Variants in BIRC2 observed in about 807,000 individuals in gnomAD.
BIRC2 encodes baculoviral IAP repeat-containing protein 2.
A neutral mutation model predicts 60.9 loss-of-function variants in BIRC2; 18 were observed. The observed-to-expected ratio is 0.30, with a 90% confidence interval of 0.20 to 0.44. The LOEUF is 0.44. Among genes scored for constraint, BIRC2 ranks in the 20% least tolerant of loss-of-function variants. The probability of loss-of-function intolerance (pLI) is 1.00; values close to 1 mark genes in which losing one functional copy is unlikely to be tolerated. For synonymous variants in BIRC2, 282 were observed against 247.7 expected, an observed-to-expected ratio of 1.14 and a Z score of -1.30; for missense variants, 701 against 728.5, an observed-to-expected ratio of 0.96 and a Z score of 0.43.
chr11:102,350,801 A>T lies in BIRC2; in HGVS notation c.896-43A>T, dbSNP rs1269034758. The stretch of plus-strand genomic sequence containing the variant: ...ATCATTTTATTTTAATTTACATATT[A>T]GAACATACGTGTTTTCAATATTTAG... On this transcript the variant is annotated intron_variant, in intron 2 of 8. Coordinates refer to ENST00000227758, the MANE Select transcript of BIRC2 (RefSeq NM_001166.5). The T allele has an allele frequency of 5.6e-6, 9 of 1,607,676 alleles. 1 individual carries two copies. In the East Asian group the frequency reaches 2.0e-4, roughly 36 times the overall value.
At chr11:102,359,674 C>T (rs1951463986) in intron 3 of BIRC2, among the ~76,000 whole-genome samples, 1 of 152,170 alleles carries the variant, frequency 6.6e-6, no homozygotes, top group Non-Finnish European at 1.5e-5. Context: ...TCTCTCCTGG[C>T]CTACAAGGTT....
At chr11:102,362,657 C>A in intron 3 of BIRC2, 5 of 343,386 alleles carry the variant, frequency 1.5e-5, no homozygotes, top group East Asian at 4.7e-5. Flanking sequence ...AGACGCTTTT[C>A]TTTTTGTTGT....
In BIRC2 at chr11:102,377,588, G is replaced by C. The variant is rs1314456932; in HGVS notation, c.1459G>C (p.Val487Leu). Residue 487 changes from valine (V) to leucine (L), a missense_variant, in exon 7 of 9, where the codon GTA (valine) becomes CTA (leucine). Coordinates refer to ENST00000227758, the MANE Select transcript of BIRC2 (RefSeq NM_001166.5). ...PILDNLLKANVINKQEHDIIK... is the reference protein window; with the variant it reads ...PILDNLLKANLINKQEHDIIK... ...CCTGGATAATCTTTTAAAGGCCAAT[G>C]TAATTAATAAACAGGAACATGATAT... 6.2e-7 allele frequency: 1 copy of C among 1,611,508 alleles called. No homozygotes were observed. Among genetic ancestry groups the C allele is most frequent in the Non-Finnish European group, 8.5e-7 (1 of 1,178,836 alleles).
chr11:102,368,189 G>A, intron 5 of BIRC2, 117 bp from the exon 6 acceptor site: 1 of 1,186,582 alleles, frequency 8.4e-7, no homozygotes, highest in East Asian at 2.4e-5. Flanking sequence ...GATGCATATA[G>A]CTCATCTCCT....
intron 5 of BIRC2, among the ~76,000 whole-genome samples, chr11:102,365,473 C>G (rs1316614586): frequency 6.6e-6 from 1 of 152,172 alleles, no homozygotes; most frequent in African/African-American, 2.4e-5. Context: ...TTCACTTGTT[C>G]TGCTAGAAAC....
rs1346575316 is a variant in BIRC2, at chr11:102,378,408, A to C, written c.*225A>C. ...AGATTTATGTTTGGTGAACTATATTAGTATGTATGTGTACCTAAGGGAGTA... is the reference window on the plus strand; with the variant it reads ...AGATTTATGTTTGGTGAACTATATTCGTATGTATGTGTACCTAAGGGAGTA... On this transcript the variant is annotated 3_prime_UTR_variant, in exon 9 of 9. Coordinates refer to ENST00000227758, the MANE Select transcript of BIRC2 (RefSeq NM_001166.5). 2 of 399,560 alleles carry C rather than the reference A, an allele frequency of 5.0e-6. No homozygotes were observed. The highest frequency in any genetic ancestry group is 8.5e-5 in the East Asian group (2 of 23,432). The allele number at this position is 399,560 out of a possible 1,614,324, so 24.8% of individuals were successfully genotyped here. A position where few individuals can be genotyped will look rare whatever the true frequency, so the allele number is the denominator to read the frequency against.
chr11:102,350,435 G>T lies in BIRC2; in HGVS notation c.581G>T (p.Trp194Leu). ...EEARFLTYHM[W>L]PLTFLSPSEL... ...GCCAGATTTCTTACCTACCATATGT[G>T]GCCATTAACTTTTTTGTCACCATCA... Residue 194 changes from tryptophan (W) to leucine (L), a missense_variant, in exon 2 of 9, where the codon TGG becomes TTG. This residue lies in a region of BIRC2 where 375 missense variants were observed against 365.9 expected (regional missense o/e 1.02). Transcript: ENST00000227758. The T allele has an allele frequency of 6.2e-7, 1 of 1,614,108 alleles. No individual in the cohort carries two copies. The highest frequency in any genetic ancestry group is 8.5e-7 in the Non-Finnish European group (1 of 1,180,026).
chr11:102,376,441 T>C (rs1349703394), intron 6 of BIRC2, among the ~76,000 whole-genome samples: 1 of 152,228 alleles, frequency 6.6e-6, no homozygotes, highest in East Asian at 1.9e-4. Flanking sequence ...AATAGAGCAG[T>C]TCACTTCTAG....
intron 3 of BIRC2, among the ~76,000 whole-genome samples, chr11:102,360,993 T>A (rs1951479152): frequency 6.6e-6 from 1 of 152,110 alleles, no homozygotes; most frequent in African/African-American, 2.4e-5. Context: ...AGGCTTTTTT[T>A]AGTCTATAGT....
At chr11:102,369,471 A>C (rs1320202267) in intron 6 of BIRC2, among the ~76,000 whole-genome samples, 1 of 151,580 alleles carries the variant, frequency 6.6e-6, no homozygotes, top group South Asian at 2.1e-4. Context: ...AATTTCATCC[A>C]TGTCCCTACA....
Position 102,377,118 on chromosome 11 carries a change from T to G in BIRC2, c.1367-378T>G, listed in dbSNP as rs114012982. ...GAGAGGCAGTAATACTCGCCTTGTTTAATTGACAGGATCACTGTATCAAAT... is the reference window on the plus strand; with the variant it reads ...GAGAGGCAGTAATACTCGCCTTGTTGAATTGACAGGATCACTGTATCAAAT... On this transcript the variant is annotated intron_variant, in intron 6 of 8. Transcript: ENST00000227758. Among the ~76,000 whole-genome samples, 330 of 152,302 alleles carry G rather than the reference T, an allele frequency of 2.2e-3. 1 individual carries two copies. Among genetic ancestry groups the G allele is most frequent in the African/African-American group, 7.5e-3 (313 of 41,548 alleles).
intron 3 of BIRC2, among the ~76,000 whole-genome samples, chr11:102,357,657 T>C (rs1951438944): frequency 6.6e-6 from 1 of 152,168 alleles, no homozygotes; most frequent in Non-Finnish European, 1.5e-5. Context: ...GTTTTGATTT[T>C]ATTTATTTTC....
Position 102,378,389 on chromosome 11 carries a change from A to C in BIRC2, c.*206A>C. The C allele has an allele frequency of 4.3e-6, 2 of 460,248 alleles. No homozygotes were observed. Among genetic ancestry groups the C allele is most frequent in the Non-Finnish European group, 7.5e-6 (2 of 265,864 alleles). 28.5% of individuals were successfully genotyped at this position (460,248 alleles called of 1,614,324 possible). A position where few individuals can be genotyped will look rare whatever the true frequency, so the allele number is the denominator to read the frequency against. On this transcript the variant is annotated 3_prime_UTR_variant, in exon 9 of 9. Transcript: ENST00000227758. ...TCTGTTTATTTACAAGGGAAGATTT[A>C]TGTTTGGTGAACTATATTAGTATGT...
At chr11:102,377,425 A>G (rs1452499525) in intron 6 of BIRC2, 71 bp from the exon 7 acceptor site, 14 of 1,356,774 alleles carry the variant, frequency 1.0e-5, no homozygotes, top group Non-Finnish European at 1.3e-5. Context: ...AGGGTTGGTT[A>G]TTAGTGACTA....
chr11:102,368,264 A>C (rs1189581449), intron 5 of BIRC2, 42 bp from the exon 6 acceptor site: 3 of 1,588,902 alleles, frequency 1.9e-6, no homozygotes, highest in African/African-American at 1.4e-5. Context: ...CCATAGGTTT[A>C]TGTTTGTGGA....
chr11:102,367,668 C>A (rs1182922745), intron 5 of BIRC2, among the ~76,000 whole-genome samples: 1 of 152,192 alleles, frequency 6.6e-6, no homozygotes, highest in African/African-American at 2.4e-5. Flanking sequence ...TTCCTGGTTT[C>A]TTTTAATGAC....
At chr11:102,366,422 A>G (rs35938497) in intron 5 of BIRC2, among the ~76,000 whole-genome samples, 1 of 150,582 alleles carries the variant, frequency 6.6e-6, no homozygotes, top group Admixed American at 6.6e-5. Flanking sequence ...GCTGGAGTGC[A>G]GTGGCGCAAT....
chr11:102,374,962 G>C (rs145685544), intron 6 of BIRC2, among the ~76,000 whole-genome samples: 4,970 of 152,238 alleles, frequency 0.033, 271 homozygotes, highest in African/African-American at 0.11. Context: ...TCTTTGACTC[G>C]GAAAGGGAAC....
chr11:102,378,239 C>A lies in BIRC2; in HGVS notation c.*56C>A. On this transcript the variant is annotated 3_prime_UTR_variant, in exon 9 of 9. Coordinates refer to ENST00000227758, the MANE Select transcript of BIRC2 (RefSeq NM_001166.5). ...AAAAGGTCTTTAAAATATTGTTGAA[C>A]ACTTGAAGCCATCTAAAGTAAAAAG... 1 of 1,310,434 alleles carries A rather than the reference C, an allele frequency of 7.6e-7. No homozygotes were observed. The highest frequency in any genetic ancestry group is 1.5e-5 in the African/African-American group (1 of 66,526). The allele number at this position is 1,310,434 out of a possible 1,614,324, so 81.2% of individuals were successfully genotyped here. A position where few individuals can be genotyped will look rare whatever the true frequency, so the allele number is the denominator to read the frequency against.
Sources: gnomAD v4.1 joint callset for allele counts (sites outside exome capture counted in the v4.1 genomes callset) on GRCh38, gnomAD v4.1.1 for gene constraint, gnomAD v4.1.1 regional missense constraint, MANE v1.5 for transcripts, NCBI Gene and HGNC (gene_info 2026-07-23, HGNC 2026-07-21) for gene names.